The following TOX variants were observed in gnomAD, a reference collection of about 807,000 sequenced individuals.
TOX encodes thymocyte selection-associated high mobility group box protein TOX.
TOX carries 11 observed loss-of-function variants against 53.7 expected under a neutral mutation model. That is an observed-to-expected ratio of 0.20 (90% CI 0.13 to 0.34). TOX has a LOEUF of 0.34. TOX is among the 10% of genes least tolerant of loss of function. The pLI is 1.00. For synonymous variants in TOX, 225 were observed against 245.3 expected (o/e 0.92, Z 0.77); for missense variants, 570 against 664.6 (o/e 0.86, Z 1.56).
intron 3 of TOX, among the ~76,000 whole-genome samples, chr8:58,921,932 C>T (rs559835489): frequency 8.5e-5 from 13 of 152,298 alleles, no homozygotes; most frequent in South Asian, 2.1e-4. Context: ...CTATTACCTA[C>T]GGACTCCTAG....
At chr8:59,010,428 T>C (rs960674304) in intron 1 of TOX, among the ~76,000 whole-genome samples, 6 of 152,216 alleles carry the variant, frequency 3.9e-5, no homozygotes, top group African/African-American at 1.2e-4. Context: ...TATTAGAATA[T>C]TGCATACGAT....
In TOX at chr8:59,118,998, C is replaced by T. The variant is rs1805161569; in HGVS notation, c.-11G>A. Reference sequence around the variant, plus strand: ...AAATCTTACGTCCATTTCACTCTCACATCAAGCAACTCCTTTTCTTTTTCC... The same window carrying T: ...AAATCTTACGTCCATTTCACTCTCATATCAAGCAACTCCTTTTCTTTTTCC... On this transcript the variant is annotated 5_prime_UTR_variant, in exon 1 of 9. The change creates a new upstream start codon in the 5' untranslated region. Transcript: ENST00000361421. This position sits in a 1 kb window ranked among gnomAD's most constrained non-coding sequence, Gnocchi z 4.1. 1.3e-6 allele frequency: 2 copies of T among 1,567,040 alleles called. No individual in the cohort carries two copies. Among genetic ancestry groups the T allele is most frequent in the Non-Finnish European group, 1.8e-6 (2 of 1,142,002 alleles).
intron 6 of TOX, among the ~76,000 whole-genome samples, chr8:58,822,665 A>T (rs1169819406): frequency 1.3e-5 from 2 of 151,902 alleles, no homozygotes; most frequent in Non-Finnish European, 2.9e-5. Flanking sequence ...AGTCGGCTGG[A>T]CTCCACCCTC....
chr8:58,932,633 T>C (rs1242631605), intron 3 of TOX, among the ~76,000 whole-genome samples: 1 of 152,172 alleles, frequency 6.6e-6, no homozygotes, highest in Non-Finnish European at 1.5e-5. Context: ...GTAATCACAT[T>C]TTCTGCTTGG....
chr8:58,873,320 A>T (rs1811227870), intron 3 of TOX, among the ~76,000 whole-genome samples: 1 of 152,174 alleles, frequency 6.6e-6, no homozygotes, highest in Non-Finnish European at 1.5e-5. Context: ...AAATATTCTA[A>T]AAATCCATAA....
intron 1 of TOX, among the ~76,000 whole-genome samples, chr8:58,988,647 G>A (rs1382673653): frequency 1.3e-5 from 2 of 152,144 alleles, no homozygotes; most frequent in Non-Finnish European, 2.9e-5. Flanking sequence ...GGCTCAATAG[G>A]CCAACAAGCT....
At chr8:59,063,798 A>G (rs1804037940) in intron 1 of TOX, among the ~76,000 whole-genome samples, 1 of 152,160 alleles carries the variant, frequency 6.6e-6, no homozygotes, top group Non-Finnish European at 1.5e-5. Flanking sequence ...TGTGTTTCTA[A>G]AAATCACCAC....
At chr8:59,037,778 G>A (rs1440069347) in intron 1 of TOX, among the ~76,000 whole-genome samples, 1 of 144,516 alleles carries the variant, frequency 6.9e-6, no homozygotes, top group Non-Finnish European at 1.5e-5. Context: ...CTCCAGCCTG[G>A]GCAACAGAGC....
rs75320348 is a variant in TOX, at chr8:59,088,875, G to A, written c.102+30011C>T. Among the ~76,000 whole-genome samples, 31 of 152,212 alleles carry A rather than the reference G, an allele frequency of 2.0e-4. No individual in the cohort carries two copies. The East Asian group carries it at 5.8e-3, about 28-fold the overall frequency. ...CACATCTCTTAGCAGGTACCTATTA[G>A]CCACAAGTTATAGATCACACTAATG... On this transcript the variant is annotated intron_variant, in intron 1 of 8. Transcript: ENST00000361421.
chr8:58,996,414 C>G (rs1167640648), intron 1 of TOX, among the ~76,000 whole-genome samples: 1 of 152,186 alleles, frequency 6.6e-6, no homozygotes, highest in East Asian at 1.9e-4. Context: ...TCCAATCCTG[C>G]ACACAGATTA....
At chr8:58,985,592 G>A (rs1384889011) in intron 1 of TOX, among the ~76,000 whole-genome samples, 1 of 152,174 alleles carries the variant, frequency 6.6e-6, no homozygotes, top group Non-Finnish European at 1.5e-5. Context: ...GTGAATATAT[G>A]TAATACACTG....
intron 3 of TOX, among the ~76,000 whole-genome samples, chr8:58,867,392 G>A (rs1563374321): frequency 6.6e-6 from 1 of 152,196 alleles, no homozygotes; most frequent in African/African-American, 2.4e-5. Context: ...AGCAGGCGCT[G>A]TCCCCATTCT....
intron 1 of TOX, among the ~76,000 whole-genome samples, chr8:58,991,134 A>G (rs576467487): frequency 6.6e-6 from 1 of 152,358 alleles, no homozygotes; most frequent in Admixed American, 6.5e-5. Context: ...CATTGTCACC[A>G]CTACCCCATG....
At chr8:59,091,586 T>TGG (rs962999641) in intron 1 of TOX, among the ~76,000 whole-genome samples, 1 of 152,194 alleles carries the variant, frequency 6.6e-6, no homozygotes, top group Non-Finnish European at 1.5e-5. Flanking sequence ...TTACCTCATC[T>TGG]GTAAAATGGG....
chr8:58,930,664 A>C (rs562651722), intron 3 of TOX, among the ~76,000 whole-genome samples: 3 of 152,202 alleles, frequency 2.0e-5, no homozygotes, highest in Admixed American at 2.0e-4. Flanking sequence ...ACCACCCACA[A>C]GAAGCCCCAA....
At chr8:58,946,166 T>C (rs778967185) in intron 2 of TOX, among the ~76,000 whole-genome samples, 4 of 152,184 alleles carry the variant, frequency 2.6e-5, no homozygotes, top group Admixed American at 6.5e-5. Flanking sequence ...AACTTAAGGA[T>C]AGAAGAATGC....
chr8:58,846,845 T>C (rs1243342612), intron 4 of TOX, among the ~76,000 whole-genome samples: 1 of 152,140 alleles, frequency 6.6e-6, no homozygotes, highest in Non-Finnish European at 1.5e-5. Flanking sequence ...AATCAAGACG[T>C]AAAAGATTAG....
At position 58,913,384 on chromosome 8, in the gene TOX, C is replaced by T. The variant is rs554638053; in HGVS notation, c.411+25918G>A. ...TTGTTTTCCTTCCCTTTTGGCATGC[C>T]TTCACTTCCACTGTTTTCACTGCAA... On this transcript the variant is annotated intron_variant, in intron 3 of 8. Coordinates refer to ENST00000361421, the MANE Select transcript of TOX (RefSeq NM_014729.3). Among the ~76,000 whole-genome samples the T allele has an allele frequency of 2.0e-5, 3 of 152,228 alleles. No individual in the cohort carries two copies. In the South Asian group the frequency reaches 6.2e-4, roughly 32 times the overall value.
At chr8:59,026,686 G>A (rs1040665153) in intron 1 of TOX, among the ~76,000 whole-genome samples, 1 of 152,094 alleles carries the variant, frequency 6.6e-6, no homozygotes, top group Non-Finnish European at 1.5e-5. Flanking sequence ...CAGGTACCAT[G>A]TACTGCACAG....
Sources: gnomAD v4.1 joint callset for allele counts (sites outside exome capture counted in the v4.1 genomes callset) on GRCh38, gnomAD v4.1.1 for gene constraint, Gnocchi (gnomAD v3.1) non-coding constraint, MANE v1.5 for transcripts, NCBI Gene and HGNC (gene_info 2026-07-23, HGNC 2026-07-21) for gene names.